Variants in NKAIN2 observed in about 807,000 individuals in gnomAD.
NKAIN2 encodes the protein sodium/potassium-transporting ATPase subunit beta-1-interacting protein 2.
NKAIN2 carries 14 observed loss-of-function variants against 32.6 expected under a neutral mutation model. The observed-to-expected ratio is 0.43, with a 90% confidence interval of 0.28 to 0.67. The LOEUF is 0.67. NKAIN2 is among the 30% of genes least tolerant of loss of function. The pLI is 0.17. For synonymous variants in NKAIN2, 80 were observed against 87.2 expected (o/e 0.92, Z 0.46); for missense variants, 198 against 258.3 (o/e 0.77, Z 1.60).
At chr6:124,776,970 G>T (rs1053829946) in intron 4 of NKAIN2, among the ~76,000 whole-genome samples, 3 of 151,964 alleles carry the variant, frequency 2.0e-5, no homozygotes, top group Non-Finnish European at 4.4e-5. Flanking sequence ...TAGATTAAAG[G>T]CTTAGATGTT....
In NKAIN2 at chr6:124,394,508, T is replaced by TAGA. The variant is rs1554200045; in HGVS notation, c.273+39161_273+39162insAGA. Reference sequence around the variant, plus strand: ...ATAGATAGATAGATAGATAGATAGATTAGATAGATACAGACAGACAGATAG... The same window carrying TAGA: ...ATAGATAGATAGATAGATAGATAGATAGATAGATAGATACAGACAGACAGATAG... On this transcript the variant is annotated intron_variant, in intron 3 of 6. Coordinates refer to ENST00000368417, the MANE Select transcript of NKAIN2 (RefSeq NM_001040214.3). 2.9e-3 allele frequency among the ~76,000 whole-genome samples: 335 copies of TAGA among 115,650 alleles called. 1 individual carries two copies. Among genetic ancestry groups the TAGA allele is most frequent in the Non-Finnish European group, 5.2e-3 (257 of 49,680 alleles). The allele number at this position is 115,650 out of a possible 152,430, so 75.9% of individuals were successfully genotyped here. A position where few individuals can be genotyped will look rare whatever the true frequency, so the allele number is the denominator to read the frequency against.
chr6:124,014,369 T>C (rs7761881), intron 1 of NKAIN2, among the ~76,000 whole-genome samples: 17,074 of 152,152 alleles, frequency 0.11, 1,855 homozygotes, highest in African/African-American at 0.28. Context: ...GCCATTAGTC[T>C]TCAGTATGTT....
At chr6:124,232,677 A>G (rs922874190) in intron 1 of NKAIN2, among the ~76,000 whole-genome samples, 1 of 152,152 alleles carries the variant, frequency 6.6e-6, no homozygotes, top group African/African-American at 2.4e-5. Context: ...AAATTTGCTT[A>G]CGTAAAATAT....
chr6:124,695,254 C>G (rs1359175364), intron 4 of NKAIN2, among the ~76,000 whole-genome samples: 3 of 151,604 alleles, frequency 2.0e-5, no homozygotes, highest in African/African-American at 7.3e-5. Context: ...AATAAACAAC[C>G]CTTTCTGCCT....
intron 1 of NKAIN2, among the ~76,000 whole-genome samples, chr6:123,814,074 T>A (rs1330978919): frequency 2.6e-5 from 4 of 152,136 alleles, no homozygotes; most frequent in Admixed American, 2.0e-4. Context: ...AAATTACAGC[T>A]GTTCAGTAGT....
intron 1 of NKAIN2, among the ~76,000 whole-genome samples, chr6:124,078,276 T>G (rs1783791398): frequency 6.6e-6 from 1 of 152,198 alleles, no homozygotes; most frequent in Non-Finnish European, 1.5e-5. Context: ...TTGCTTTTCA[T>G]CAAGATTTGG....
chr6:124,068,411 G>T (rs1415951744), intron 1 of NKAIN2, among the ~76,000 whole-genome samples: 3 of 150,936 alleles, frequency 2.0e-5, no homozygotes, highest in Non-Finnish European at 3.0e-5. Flanking sequence ...TTTTTTTTGA[G>T]ACAAGGTCTT....
chr6:124,516,789 G>C (rs147050061), intron 3 of NKAIN2, among the ~76,000 whole-genome samples: 1 of 152,250 alleles, frequency 6.6e-6, no homozygotes, highest in African/African-American at 2.4e-5. Context: ...TCGTCAAAGA[G>C]TTCAAACTGA....
At chr6:123,935,860 A>G (rs1776480405) in intron 1 of NKAIN2, among the ~76,000 whole-genome samples, 1 of 152,068 alleles carries the variant, frequency 6.6e-6, no homozygotes, top group Non-Finnish European at 1.5e-5. Flanking sequence ...TTTCTTAGGC[A>G]TTTAAGGAGA....
At chr6:124,494,269 T>C (rs1465065274) in intron 3 of NKAIN2, among the ~76,000 whole-genome samples, 2 of 152,118 alleles carry the variant, frequency 1.3e-5, no homozygotes, top group Non-Finnish European at 2.9e-5. Flanking sequence ...AGATGCTAAA[T>C]AAATGCTGTT....
intron 1 of NKAIN2, among the ~76,000 whole-genome samples, chr6:124,235,841 C>T (rs1792727627): frequency 2.0e-5 from 3 of 152,062 alleles, no homozygotes; most frequent in South Asian, 4.1e-4. Context: ...TCATGATCCG[C>T]CCATCTCAGC....
At chr6:124,411,532 A>C (rs1400953446) in intron 3 of NKAIN2, among the ~76,000 whole-genome samples, 2 of 152,170 alleles carry the variant, frequency 1.3e-5, no homozygotes, top group African/African-American at 4.8e-5. Flanking sequence ...TGGCTTGTAG[A>C]GTTTCTGCTG....
rs980916832 is a variant in NKAIN2 at position 123,816,159 on chromosome 6, G to A, written c.54+11905G>A. 8.5e-5 allele frequency among the ~76,000 whole-genome samples: 13 copies of A among 152,172 alleles called. No individual in the cohort carries two copies. The South Asian group carries it at 2.7e-3, about 32-fold the overall frequency. On this transcript the variant is annotated intron_variant, in intron 1 of 6. Transcript: ENST00000368417. ...TGAGAATGAAAGAGAATATATGTGG[G>A]ACAATGAAGGGTCCAGATGAATGGC... is the stretch of plus-strand genomic sequence containing the variant.
intron 1 of NKAIN2, among the ~76,000 whole-genome samples, chr6:124,005,815 T>C (rs1780052622): frequency 6.6e-6 from 1 of 152,174 alleles, no homozygotes; most frequent in Non-Finnish European, 1.5e-5. Flanking sequence ...CTACTATATC[T>C]TTTTTAAGCC....
intron 4 of NKAIN2, among the ~76,000 whole-genome samples, chr6:124,661,822 A>G (rs964637541): frequency 3.3e-5 from 5 of 152,224 alleles, no homozygotes; most frequent in Non-Finnish European, 7.3e-5. Context: ...AAATAAATGT[A>G]TGTGGGGAGA....
chr6:124,344,399 T>C (rs1167442681), intron 2 of NKAIN2, among the ~76,000 whole-genome samples: 2 of 151,870 alleles, frequency 1.3e-5, no homozygotes, highest in Admixed American at 6.6e-5. Context: ...GGGGATGGCA[T>C]TGAATCTATA....
intron 3 of NKAIN2, among the ~76,000 whole-genome samples, chr6:124,544,030 A>T (rs755597696): frequency 2.6e-5 from 4 of 152,168 alleles, no homozygotes; most frequent in Non-Finnish European, 5.9e-5. Context: ...CTATCCAAAG[A>T]TCATGTTAGA....
In NKAIN2 at chr6:124,275,324, CTG is replaced by C. The variant is rs1794980900; in HGVS notation, c.55-7677_55-7676del. ...GATTTAACTTCAGAAAAATGTGACTCTGTGTTTCAAAAAGGTATATTAAGAAA... is the reference window on the plus strand; with the variant it reads ...GATTTAACTTCAGAAAAATGTGACTCTGTTTCAAAAAGGTATATTAAGAAA... On this transcript the variant is annotated intron_variant, in intron 1 of 6. Transcript: ENST00000368417. Among the ~76,000 whole-genome samples, 8 of 141,676 alleles carry C rather than the reference CTG, an allele frequency of 5.6e-5. No homozygotes were observed. In the South Asian group the frequency reaches 1.8e-3, roughly 32 times the overall value. 92.9% of individuals were successfully genotyped at this position (141,676 alleles called of 152,430 possible).
At chr6:123,967,375 A>C (rs993220683) in intron 1 of NKAIN2, among the ~76,000 whole-genome samples, 27 of 152,332 alleles carry the variant, frequency 1.8e-4, no homozygotes, top group Admixed American at 3.3e-4. Flanking sequence ...TCTTCATGGC[A>C]TCTAGCCGAG....
Sources: allele counts gnomAD v4.1 joint callset (sites outside exome capture counted in the v4.1 genomes callset), GRCh38; gene constraint gnomAD v4.1.1; transcripts MANE v1.5; gene names NCBI Gene and HGNC (gene_info 2026-07-23, HGNC 2026-07-21).